SPTBN5: variants seen among roughly 807,000 people sequenced by gnomAD.
The protein encoded by SPTBN5 is spectrin beta chain, non-erythrocytic 5.
SPTBN5 carries 513 observed loss-of-function variants against 477.6 expected under a neutral mutation model. That is an observed-to-expected ratio of 1.07 (90% CI 1.00 to 1.16). The LOEUF is 1.16. Ranked by LOEUF, SPTBN5 falls within the 50% of genes most tolerant of loss-of-function variation. The pLI is 0.00. For synonymous variants in SPTBN5, 2,169 were observed against 2,011.7 expected, an observed-to-expected ratio of 1.08 and a Z score of -2.09; for missense variants, 5,062 against 4,731.8, an observed-to-expected ratio of 1.07 and a Z score of -2.05.
intron 12 of SPTBN5, among the ~76,000 whole-genome samples, 164 bp from the exon 13 acceptor site, chr15:41,881,398 A>C (rs1040948222): frequency 6.6e-6 from 1 of 152,188 alleles, no homozygotes; most frequent in Non-Finnish European, 1.5e-5. Flanking sequence ...CTTGGGGCTG[A>C]GGGTCGAGGG....
rs2067356219 is a variant in SPTBN5, at chr15:41,892,902, T to G, written c.376A>C (p.Arg126=). 1 of 1,600,902 alleles carries G rather than the reference T, an allele frequency of 6.2e-7. No individual in the cohort carries two copies. Among genetic ancestry groups the G allele is most frequent in the Admixed American group, 1.7e-5 (1 of 59,246 alleles). The change falls in exon 3 of 68, where the codon AGG becomes CGG. Residue 126 remains arginine, a synonymous_variant. Coordinates refer to ENST00000320955, the MANE Select transcript of SPTBN5 (RefSeq NM_016642.4). The part of the protein sequence containing the change: ...ENSSRALAFL[R]AKVPVPLIGP... ...CTTTCCCTGGGGCCCACCTTGGCCC[T>G]GAGGAAGGCCAGAGCTCGGCTGCTG...
intron 16 of SPTBN5, 102 bp downstream of exon 16, chr15:41,879,158 G>T (rs951995332): frequency 4.3e-6 from 6 of 1,409,194 alleles, no homozygotes; most frequent in Non-Finnish European, 5.7e-6. Context: ...CCTACCTGTT[G>T]TCTCCCCATC....
chr15:41,888,617 T>C (rs566251206), intron 4 of SPTBN5, among the ~76,000 whole-genome samples: 1 of 152,370 alleles, frequency 6.6e-6, no homozygotes, highest in South Asian at 2.1e-4. Context: ...GGCACCACTA[T>C]GCCCAGCTAA....
rs1438735971 is a variant in SPTBN5, at chr15:41,874,303, G to A, written c.4678C>T (p.Arg1560Cys). ...ECLNGAQSLH[R>C]KHKELQVEVK... ...AAGAGGGCTATTACCTTGTGCTTGC[G>A]GTGAAGGCTCTGGGCACCATTCAAG... Residue 1560 changes from arginine to cysteine, a missense_variant, in exon 24 of 68, where the codon CGC (arginine) becomes TGC (cysteine). Physicochemically the swap from Arg to Cys is radical, Grantham distance 180 (BLOSUM62 -3). Transcript: ENST00000320955. 7 of 1,611,380 alleles carry A rather than the reference G, an allele frequency of 4.3e-6. No homozygotes were observed. The highest frequency in any genetic ancestry group is 4.5e-5 in the East Asian group (2 of 44,864).
At chr15:41,882,232 G>C (rs973505117) in intron 11 of SPTBN5, 37 bp downstream of exon 11, 4 of 1,254,124 alleles carry the variant, frequency 3.2e-6, no homozygotes, top group Admixed American at 2.9e-5. Flanking sequence ...GCCTCGCCGG[G>C]CCCCGCCCCC....
At chr15:41,866,598 G>A in intron 36 of SPTBN5, 105 bp from the exon 37 acceptor site, 1 of 1,296,264 alleles carries the variant, frequency 7.7e-7, no homozygotes, top group South Asian at 1.8e-5. Context: ...TCAGGGGTGG[G>A]GCGGGCAGCA....
chr15:41,854,331 C>T lies in SPTBN5; in HGVS notation c.9619-126G>A, dbSNP rs576952268. On this transcript the variant is annotated intron_variant, in intron 56 of 67. Transcript: ENST00000320955. ...AGGATCATGGGGCTTGATGTGTCCC[C>T]AGGTACAGAAACCATCCTCCATGCT... 1.6e-4 allele frequency: 181 copies of T among 1,137,092 alleles called. No individual in the cohort carries two copies. The African/African-American group carries it at 2.7e-3, about 17-fold the overall frequency. 70.4% of individuals were successfully genotyped at this position (1,137,092 alleles called of 1,614,324 possible). A position where few individuals can be genotyped will look rare whatever the true frequency, so the allele number is the denominator to read the frequency against.
Position 41,880,181 on chromosome 15 carries a change from C to G in SPTBN5, c.2790G>C (p.Glu930Asp), listed in dbSNP as rs1299275047. ...GTACCTCATATTTGAGCTGCATGAC[C>G]TCCAGGGTGTCAGCCTGGGGCTGCA... Reference protein sequence around the residue: ...QRVQPQADTLEVMQLKYENFL... With the variant: ...QRVQPQADTLDVMQLKYENFL... The change falls in exon 14 of 68, where the codon GAG (glutamate) becomes GAC (aspartate). Residue 930 changes from glutamate (E) to aspartate (D), a missense_variant. By Grantham distance (45) the Glu-to-Asp change is conservative. Coordinates refer to ENST00000320955, the MANE Select transcript of SPTBN5 (RefSeq NM_016642.4). 3 of 1,604,354 alleles carry G rather than the reference C, an allele frequency of 1.9e-6. No individual in the cohort carries two copies. The highest frequency in any genetic ancestry group is 2.6e-6 in the Non-Finnish European group (3 of 1,176,200).
At chr15:41,892,418 C>A (rs943322247) in intron 3 of SPTBN5, among the ~76,000 whole-genome samples, 2 of 152,234 alleles carry the variant, frequency 1.3e-5, no homozygotes, top group African/African-American at 4.8e-5. Flanking sequence ...GACTCTGCCT[C>A]CCCCCATTTG....
At chr15:41,860,455 T>A (rs1470394264) in intron 47 of SPTBN5, 131 bp downstream of exon 47, 1 of 1,050,380 alleles carries the variant, frequency 9.5e-7, no homozygotes, top group Admixed American at 4.2e-5. Context: ...ACCCCCGGCA[T>A]CTGACCTCAG....
chr15:41,848,745 T>C, intron 67 of SPTBN5, 117 bp from the exon 68 acceptor site: 1 of 1,213,170 alleles, frequency 8.2e-7, no homozygotes. Context: ...AGAATAAGCG[T>C]GGGAGTGGAT....
At position 41,848,382 on chromosome 15, in the gene SPTBN5, TCTC is replaced by T. The variant is rs1357062519; in HGVS notation, c.*231_*233del. The T allele has an allele frequency of 1.2e-5, 7 of 606,430 alleles. No homozygotes were observed. In the Admixed American group the frequency reaches 1.3e-4, roughly 12 times the overall value. 37.6% of individuals were successfully genotyped at this position (606,430 alleles called of 1,614,324 possible). On this transcript the variant is annotated 3_prime_UTR_variant, in exon 68 of 68. Coordinates refer to ENST00000320955, the MANE Select transcript of SPTBN5 (RefSeq NM_016642.4). ...TGCCCACCTGCTCTGCCGTAACACG[TCTC>T]CTCTTCACCCAGACAGGAATGCAGG...
chr15:41,883,332 C>T lies in SPTBN5; in HGVS notation c.1659+16G>A, dbSNP rs1412875577. On this transcript the variant is annotated intron_variant, in intron 8 of 67. Coordinates refer to ENST00000320955, the MANE Select transcript of SPTBN5 (RefSeq NM_016642.4). ...CCTTGCTGTGTTTCCCAAGGGCCTGCTGGTCCAGTGCCCACCTGCAGCTCC... is the reference window on the plus strand; with the variant it reads ...CCTTGCTGTGTTTCCCAAGGGCCTGTTGGTCCAGTGCCCACCTGCAGCTCC... 6.2e-7 allele frequency: 1 copy of T among 1,611,708 alleles called. No homozygotes were observed.
rs781431350 is a variant in SPTBN5 at position 41,874,914 on chromosome 15, G to A, written c.4430C>T (p.Ala1477Val). Residue 1477 changes from alanine (A) to valine (V), a missense_variant, in exon 23 of 68, where the codon GCC becomes GTC. Coordinates refer to ENST00000320955, the MANE Select transcript of SPTBN5 (RefSeq NM_016642.4). ...ESRTLAAKMA[A>V]LASMAHGMAA... ...CATGCCATGGGCCATGGAGGCGAGG[G>A]CAGCCATCTTGGCAGCCAGGGTCCG... 27 of 1,613,228 alleles carry A rather than the reference G, an allele frequency of 1.7e-5. No homozygotes were observed. The highest frequency in any genetic ancestry group is 3.3e-5 in the Admixed American group (2 of 60,000).
chr15:41,869,831 G>T lies in SPTBN5; in HGVS notation c.5853+10C>A. 6.5e-7 allele frequency: 1 copy of T among 1,547,934 alleles called. No individual in the cohort carries two copies. The highest frequency in any genetic ancestry group is 8.6e-7 in the Non-Finnish European group (1 of 1,158,554). The stretch of plus-strand genomic sequence containing the variant: ...CACACACACACCACCCAAAGGGCAG[G>T]AGCCCTCACCGCCGTGCGGAAGCGG... On this transcript the variant is annotated intron_variant, in intron 32 of 67. Coordinates refer to ENST00000320955, the MANE Select transcript of SPTBN5 (RefSeq NM_016642.4).
At chr15:41,850,166 C>G in intron 66 of SPTBN5, 1 of 573,578 alleles carries the variant, frequency 1.7e-6, no homozygotes. Flanking sequence ...TAGGAAACTC[C>G]TCACAGGTGA....
intron 29 of SPTBN5, among the ~76,000 whole-genome samples, chr15:41,870,790 C>T (rs1420043719): frequency 2.0e-5 from 3 of 152,262 alleles, no homozygotes; most frequent in African/African-American, 7.2e-5. Context: ...TAATGCTCGG[C>T]ACTGCATGGT....
rs2412642 is a variant in SPTBN5, at chr15:41,884,331, G to T, written c.1521-845C>A. Among the ~76,000 whole-genome samples the T allele has an allele frequency of 4.9e-3, 745 of 152,028 alleles. 5 individuals are homozygous for T. The highest frequency in any genetic ancestry group is 0.017 in the African/African-American group (721 of 41,462). ...AGACGGGTTTCACCATGTTGGCCAG[G>T]ATGGTCTTGAACTCCTGACCTCAGG... On this transcript the variant is annotated intron_variant, in intron 7 of 67. Transcript: ENST00000320955.
Position 41,870,317 on chromosome 15 carries a change from C to T in SPTBN5, c.5599G>A (p.Asp1867Asn), listed in dbSNP as rs1320651276. ...AGCTGCGCCTCCAGCCCACACAGGT[C>T]CCGTGCCACATTGTTGGGGAGGCTC... The part of the protein sequence containing the change: ...ATSLPNNVAR[D>N]LCGLEAQLRS... Residue 1867 changes from aspartate (D) to asparagine (N), a missense_variant, in exon 31 of 68, where the codon GAC (aspartate) becomes AAC (asparagine). Coordinates refer to ENST00000320955, the MANE Select transcript of SPTBN5 (RefSeq NM_016642.4). 1.9e-6 allele frequency: 3 copies of T among 1,565,196 alleles called. No individual in the cohort carries two copies. Among genetic ancestry groups the T allele is most frequent in the Non-Finnish European group, 2.6e-6 (3 of 1,155,062 alleles).
Sources: allele counts gnomAD v4.1 joint callset (sites outside exome capture counted in the v4.1 genomes callset), GRCh38; gene constraint gnomAD v4.1.1; transcripts MANE v1.5; gene names NCBI Gene and HGNC (gene_info 2026-07-23, HGNC 2026-07-21).